Variants in KCNH5 observed in about 807,000 individuals in gnomAD.
KCNH5 encodes the protein potassium voltage-gated channel subfamily H member 5, also known as voltage-gated delayed rectifier potassium channel KCNH5.
KCNH5 carries 46 observed loss-of-function variants against 96.1 expected under a neutral mutation model. That is an observed-to-expected ratio of 0.48 (90% CI 0.38 to 0.61). KCNH5 has a LOEUF of 0.61. KCNH5 is among the 20% of genes least tolerant of loss of function. KCNH5 has a pLI of 0.00. For missense variants in KCNH5, 907 were observed against 1,225.8 expected, an observed-to-expected ratio of 0.74 and a Z score of 3.88; for synonymous variants, 439 against 449.8, an observed-to-expected ratio of 0.98 and a Z score of 0.30.
chr14:62,956,290 T>C (rs145821897), intron 6 of KCNH5, among the ~76,000 whole-genome samples: 1 of 151,974 alleles, frequency 6.6e-6, no homozygotes, highest in Non-Finnish European at 1.5e-5. Flanking sequence ...TTCTGAAGAG[T>C]TCAGAAACAG....
intron 10 of KCNH5, among the ~76,000 whole-genome samples, chr14:62,752,026 A>G (rs1885510937): frequency 6.6e-6 from 1 of 152,178 alleles, no homozygotes; most frequent in East Asian, 1.9e-4. Flanking sequence ...TAACCTTCTC[A>G]TAGTTAACAG....
At chr14:62,975,682 A>G (rs1040020547) in intron 6 of KCNH5, among the ~76,000 whole-genome samples, 1 of 152,140 alleles carries the variant, frequency 6.6e-6, no homozygotes, top group African/African-American at 2.4e-5. Flanking sequence ...AAAAATTCCA[A>G]ACCAGTAGGA....
chr14:62,877,169 C>G (rs1457092515), intron 7 of KCNH5, among the ~76,000 whole-genome samples: 1 of 151,912 alleles, frequency 6.6e-6, no homozygotes, highest in Non-Finnish European at 1.5e-5. Flanking sequence ...GGATCCCTTC[C>G]TTACACCTTA....
intron 8 of KCNH5, among the ~76,000 whole-genome samples, chr14:62,819,467 A>C (rs145050956): frequency 1.4e-4 from 21 of 152,288 alleles, no homozygotes; most frequent in African/African-American, 5.1e-4. Context: ...GGGGAGGTTG[A>C]AATAGAAAGT....
In KCNH5 at chr14:62,942,280, C is replaced by T. The variant is rs1451189993; in HGVS notation, c.1369+7853G>A. ...GGACCTTAAAAGTCACTGATTTCAACTTTGGCATTTCACAATTGAAAAAAA... is the reference window on the plus strand; with the variant it reads ...GGACCTTAAAAGTCACTGATTTCAATTTTGGCATTTCACAATTGAAAAAAA... On this transcript the variant is annotated intron_variant, in intron 7 of 10. Transcript: ENST00000322893. Among the ~76,000 whole-genome samples the T allele has an allele frequency of 2.6e-5, 4 of 152,130 alleles. No individual in the cohort carries two copies. In the East Asian group the frequency reaches 5.8e-4, roughly 22 times the overall value.
intron 7 of KCNH5, among the ~76,000 whole-genome samples, chr14:62,925,992 C>T (rs1422958574): frequency 6.6e-6 from 1 of 152,018 alleles, no homozygotes; most frequent in Non-Finnish European, 1.5e-5. Flanking sequence ...TAGACTTGCA[C>T]AAGCTTTAAG....
intron 4 of KCNH5, among the ~76,000 whole-genome samples, chr14:62,990,163 A>G (rs1026270957): frequency 6.6e-6 from 1 of 152,134 alleles, no homozygotes; most frequent in Non-Finnish European, 1.5e-5. Flanking sequence ...GAATAAATTA[A>G]ATGATCCATA....
At chr14:62,893,796 A>T (rs1484751524) in intron 7 of KCNH5, among the ~76,000 whole-genome samples, 2 of 152,208 alleles carry the variant, frequency 1.3e-5, no homozygotes. Flanking sequence ...CAGCAGCAGG[A>T]TTTGAAAGAA....
At chr14:62,857,370 T>G (rs1887949827) in intron 7 of KCNH5, among the ~76,000 whole-genome samples, 1 of 152,236 alleles carries the variant, frequency 6.6e-6, no homozygotes, top group Admixed American at 6.5e-5. Flanking sequence ...CTCCACTTTA[T>G]CCTTCTATGA....
chr14:62,842,511 A>G (rs1203047833), intron 8 of KCNH5, among the ~76,000 whole-genome samples: 1 of 152,260 alleles, frequency 6.6e-6, no homozygotes, highest in Non-Finnish European at 1.5e-5. Context: ...TACTGATGGA[A>G]AAATTATAGT....
At chr14:63,003,813 G>C (rs1891075622) in intron 3 of KCNH5, among the ~76,000 whole-genome samples, 1 of 150,310 alleles carries the variant, frequency 6.7e-6, no homozygotes, top group South Asian at 2.1e-4. Context: ...GTAGAGACGG[G>C]GTTTCACCGT....
At chr14:62,750,559 T>G (rs1885475756) in intron 10 of KCNH5, among the ~76,000 whole-genome samples, 1 of 152,228 alleles carries the variant, frequency 6.6e-6, no homozygotes, top group Admixed American at 6.5e-5. Context: ...CTTAGCCACA[T>G]TAGAGTCTCC....
chr14:63,029,028 T>A (rs5010676), intron 1 of KCNH5, among the ~76,000 whole-genome samples: 36,210 of 152,064 alleles, frequency 0.24, 5,526 homozygotes, highest in East Asian at 0.51. Context: ...AAGAGTTAAG[T>A]AATTGGACTG....
chr14:63,025,668 G>C (rs1287591628), intron 1 of KCNH5, among the ~76,000 whole-genome samples: 3 of 147,470 alleles, frequency 2.0e-5, no homozygotes, highest in African/African-American at 7.4e-5. Flanking sequence ...GAAGGTGAAA[G>C]ATCTATACAC....
chr14:62,927,387 T>C (rs1254899486), intron 7 of KCNH5, among the ~76,000 whole-genome samples: 3 of 152,120 alleles, frequency 2.0e-5, no homozygotes, highest in Non-Finnish European at 2.9e-5. Context: ...CACTTCTGGA[T>C]AGATATCCAA....
chr14:62,986,565 C>T (rs2139574618), intron 5 of KCNH5, among the ~76,000 whole-genome samples: 1 of 152,254 alleles, frequency 6.6e-6, no homozygotes, highest in Admixed American at 6.5e-5. Context: ...ATTCACTCAG[C>T]CCAGGTATCA....
At chr14:62,911,844 G>A (rs1889161914) in intron 7 of KCNH5, among the ~76,000 whole-genome samples, 2 of 151,314 alleles carry the variant, frequency 1.3e-5, no homozygotes, top group African/African-American at 4.9e-5. Flanking sequence ...AGACAAGCCT[G>A]GCCAACATAG....
intron 10 of KCNH5, among the ~76,000 whole-genome samples, chr14:62,725,156 C>T (rs1019895757): frequency 6.6e-6 from 1 of 152,156 alleles, no homozygotes; most frequent in African/African-American, 2.4e-5. Context: ...TTATTCTATT[C>T]AAAAATGTCT....
chr14:62,960,976 C>T (rs1257221698), intron 6 of KCNH5, among the ~76,000 whole-genome samples: 1 of 152,158 alleles, frequency 6.6e-6, no homozygotes, highest in African/African-American at 2.4e-5. Flanking sequence ...AATGTAGTAA[C>T]TTTTAATATG....
Sources: gnomAD v4.1 joint callset for allele counts (sites outside exome capture counted in the v4.1 genomes callset) on GRCh38, gnomAD v4.1.1 for gene constraint, MANE v1.5 for transcripts, NCBI Gene and HGNC (gene_info 2026-07-23, HGNC 2026-07-21) for gene names.